The following SAAL1 variants were observed in gnomAD, a reference collection of about 807,000 sequenced individuals.
The protein encoded by SAAL1 is serum amyloid A like 1, also known as protein SAAL1.
A neutral mutation model predicts 59.8 loss-of-function variants in SAAL1; 42 were observed. The observed-to-expected ratio is 0.70, with a 90% confidence interval of 0.55 to 0.91. SAAL1 has a LOEUF of 0.91. Ranked by LOEUF, SAAL1 falls within the 40% of genes least tolerant of loss-of-function variation. SAAL1 has a pLI of 0.00. For synonymous variants in SAAL1, 191 were observed against 194.3 expected (o/e 0.98, Z 0.14); for missense variants, 542 against 561.1 (o/e 0.97, Z 0.34).
chr11:18,087,911 A>G (rs925288459), intron 7 of SAAL1, among the ~76,000 whole-genome samples: 2 of 152,256 alleles, frequency 1.3e-5, no homozygotes, highest in African/African-American at 2.4e-5. Flanking sequence ...TCTAAAAGGA[A>G]AGAAGATTCC....
chr11:18,090,084 TA>T, intron 6 of SAAL1, 90 bp downstream of exon 6: 2 of 1,254,266 alleles, frequency 1.6e-6, no homozygotes, highest in Non-Finnish European at 2.2e-6. Context: ...AGGCTTTTTT[TA>T]AAAAGGTGAC....
chr11:18,094,518 G>A (rs1185080769), intron 3 of SAAL1, among the ~76,000 whole-genome samples: 1 of 152,158 alleles, frequency 6.6e-6, no homozygotes, highest in Non-Finnish European at 1.5e-5. Flanking sequence ...GTTATCAGAA[G>A]GGAAGTCGAG....
chr11:18,093,463 C>A (rs189133619), intron 3 of SAAL1, among the ~76,000 whole-genome samples: 159 of 152,112 alleles, frequency 1.0e-3, no homozygotes, highest in African/African-American at 3.5e-3. Flanking sequence ...TGGAATGCAA[C>A]CCCCAAGGAT....
chr11:18,090,523 C>T (rs577867128), intron 4 of SAAL1, 30 bp from the exon 5 acceptor site: 10 of 1,589,618 alleles, frequency 6.3e-6, no homozygotes, highest in African/African-American at 5.5e-5. Context: ...AACCGATATG[C>T]CTCACTTCTC....
intron 3 of SAAL1, among the ~76,000 whole-genome samples, chr11:18,093,501 A>T (rs181797523): frequency 2.0e-5 from 3 of 152,302 alleles, no homozygotes; most frequent in African/African-American, 7.2e-5. Context: ...TAGGGAAAAG[A>T]AGTTGAAAAG....
At chr11:18,102,167 C>T (rs184402889) in intron 2 of SAAL1, among the ~76,000 whole-genome samples, 37 of 151,010 alleles carry the variant, frequency 2.5e-4, no homozygotes, top group East Asian at 2.3e-3. Context: ...TTTGGGAGGC[C>T]GAGGAGGATG....
Position 18,086,953 on chromosome 11 carries a change from G to A in SAAL1, c.955C>T (p.Gln319Ter), listed in dbSNP as rs750335291. Residue 319 changes from glutamine to a stop codon, truncating the protein, a stop_gained, in exon 9 of 12, where the codon CAG (glutamine) becomes TAG (stop). Transcript: ENST00000524803. LOFTEE classifies it high-confidence loss of function. The stretch of plus-strand genomic sequence containing the variant: ...AAAACAGAGGCTAGCACTGTTTTCT[G>A]TTCTTGAAGAATGATGGGTGGATCA... The part of the protein sequence containing the change: ...SDDPPIILQE[Q>*]KTVLASVFSV... 3 of 1,613,860 alleles carry A rather than the reference G, an allele frequency of 1.9e-6. No homozygotes were observed. The African/African-American group carries it at 4.0e-5, about 22-fold the overall frequency.
intron 2 of SAAL1, among the ~76,000 whole-genome samples, chr11:18,097,882 C>T (rs1408792483): frequency 5.3e-5 from 8 of 151,454 alleles, no homozygotes; most frequent in Non-Finnish European, 1.2e-4. Flanking sequence ...AGGTGGCTCA[C>T]GCCTGTAATC....
At chr11:18,080,717 GC>G (rs1848400413) in intron 11 of SAAL1, among the ~76,000 whole-genome samples, 1 of 151,970 alleles carries the variant, frequency 6.6e-6, no homozygotes, top group African/African-American at 2.4e-5. Context: ...TTCTCCCCCC[GC>G]CTCTTCTTTA....
chr11:18,090,198 A>G lies in SAAL1; in HGVS notation c.566T>C (p.Phe189Ser), dbSNP rs111248677. ...EHPAIYDSIC[F>S]IMSSSTNVDL... The stretch of plus-strand genomic sequence containing the variant: ...ACCATTTGTTGAACTTGACATAATG[A>G]AGCAAATGCTATCATAAATAGCTGG... The change falls in exon 6 of 12, where the codon TTC becomes TCC. Residue 189 changes from phenylalanine to serine, a missense_variant. Transcript: ENST00000524803. The G allele has an allele frequency of 7.0e-5, 112 of 1,601,400 alleles. 1 individual carries two copies. The African/African-American group carries it at 1.3e-3, about 19-fold the overall frequency.
At chr11:18,090,076 G>A in intron 6 of SAAL1, 99 bp downstream of exon 6, 1 of 1,168,716 alleles carries the variant, frequency 8.6e-7, no homozygotes, top group Non-Finnish European at 1.2e-6. Flanking sequence ...TGCACTCAAG[G>A]CTTTTTTTAA....
At chr11:18,093,776 C>T (rs1848546413) in intron 3 of SAAL1, 1 of 152,168 alleles carries the variant, frequency 6.6e-6, no homozygotes, top group South Asian at 2.1e-4. Context: ...TTCCAAACTG[C>T]ACCTCAGTTA....
At chr11:18,092,452 A>C in intron 3 of SAAL1, 128 bp from the exon 4 acceptor site, 1 of 668,260 alleles carries the variant, frequency 1.5e-6, no homozygotes, top group Non-Finnish European at 2.7e-6. Flanking sequence ...AGGATAAAGA[A>C]ATACATATAC....
At position 18,106,011 on chromosome 11, in the gene SAAL1, C is replaced by CCGG. The variant is rs74589784; in HGVS notation, c.28_30dup (p.Pro10dup). The CCGG allele has an allele frequency of 0.23, 372,748 of 1,603,130 alleles. 44,944 individuals carry two copies. Among genetic ancestry groups the CCGG allele is most frequent in the Non-Finnish European group, 0.25 (298,735 of 1,176,086 alleles). On this transcript the variant is annotated inframe_insertion, in exon 1 of 12. Transcript: ENST00000524803. ...TCCTCCTCCTCCTCCTTGTCGCGAC[C>CCGG]CGGCGGCGGCGGCGAGGGGTTGCGG...
chr11:18,103,454 GA>G (rs1848655538), intron 1 of SAAL1, 108 bp from the exon 2 acceptor site: 3 of 865,118 alleles, frequency 3.5e-6, no homozygotes, highest in Admixed American at 2.0e-5. Context: ...ACGCTGATGA[GA>G]AAAAAATTTG....
chr11:18,100,499 G>A (rs768754420), intron 2 of SAAL1, among the ~76,000 whole-genome samples: 1 of 152,232 alleles, frequency 6.6e-6, no homozygotes, highest in Non-Finnish European at 1.5e-5. Context: ...GGAGGCCGGG[G>A]CAGGGGGATC....
chr11:18,101,490 C>G (rs970998508), intron 2 of SAAL1, among the ~76,000 whole-genome samples: 2 of 152,248 alleles, frequency 1.3e-5, no homozygotes, highest in African/African-American at 4.8e-5. Context: ...TTCCTGCCAC[C>G]GTGTGAATAA....
chr11:18,085,495 T>C (rs1019987071), intron 9 of SAAL1, among the ~76,000 whole-genome samples: 1 of 152,084 alleles, frequency 6.6e-6, no homozygotes, highest in Non-Finnish European at 1.5e-5. Flanking sequence ...AAACCATTAC[T>C]GAGGGACACA....
chr11:18,103,062 G>A (rs1320440914), intron 2 of SAAL1, among the ~76,000 whole-genome samples, 171 bp downstream of exon 2: 1 of 152,182 alleles, frequency 6.6e-6, no homozygotes, highest in East Asian at 1.9e-4. Flanking sequence ...CTCAAAGACA[G>A]AAGTTTAGCA....
Sources: gnomAD v4.1 joint callset for allele counts (sites outside exome capture counted in the v4.1 genomes callset) on GRCh38, gnomAD v4.1.1 for gene constraint, MANE v1.5 for transcripts, NCBI Gene and HGNC (gene_info 2026-07-23, HGNC 2026-07-21) for gene names.